ANO4: variants seen among roughly 807,000 people sequenced by gnomAD.
The protein encoded by ANO4 is anoctamin 4.
In ANO4, 69 loss-of-function variants were observed where a neutral mutation model predicts 141.9. That is an observed-to-expected ratio of 0.49 (90% CI 0.40 to 0.59). ANO4 has a LOEUF of 0.59. Ranked by LOEUF, ANO4 falls within the 20% of genes least tolerant of loss-of-function variation. The pLI is 0.00. For missense variants in ANO4, 894 were observed against 1,162.2 expected (o/e 0.77, Z 3.36); for synonymous variants, 350 against 394.3 (o/e 0.89, Z 1.33).
At chr12:100,943,357 AG>A (rs2042591252) in intron 5 of ANO4, among the ~76,000 whole-genome samples, 1 of 151,736 alleles carries the variant, frequency 6.6e-6, no homozygotes, top group Admixed American at 6.6e-5. Context: ...CTCAAGGCTG[AG>A]GGGATAGATC....
chr12:100,940,883 A>G (rs1394568083), intron 4 of ANO4, among the ~76,000 whole-genome samples: 2 of 152,216 alleles, frequency 1.3e-5, no homozygotes, highest in African/African-American at 2.4e-5. Flanking sequence ...AAGAGCCTGG[A>G]TGAAAATTCA....
chr12:100,807,314 T>A (rs2135689636), intron 1 of ANO4, among the ~76,000 whole-genome samples: 1 of 152,262 alleles, frequency 6.6e-6, no homozygotes, highest in East Asian at 1.9e-4. Flanking sequence ...TTAGAACTAT[T>A]TTTGGAGAGT....
chr12:100,930,589 AT>A (rs1018536298), intron 3 of ANO4, among the ~76,000 whole-genome samples: 106 of 106,010 alleles, frequency 1.0e-3, no homozygotes, highest in Admixed American at 2.5e-3. Context: ...TTAAATGAAT[AT>A]TTTTTTTAAA....
intron 3 of ANO4, among the ~76,000 whole-genome samples, chr12:100,935,533 T>C (rs1344753617): frequency 6.6e-6 from 1 of 152,176 alleles, no homozygotes; most frequent in Non-Finnish European, 1.5e-5. Context: ...TTATCAAACA[T>C]TTTTCTATTT....
chr12:100,717,624 G>A, intron 1 of ANO4: 1 of 398,888 alleles, frequency 2.5e-6, no homozygotes, highest in African/African-American at 2.1e-5. Flanking sequence ...AACACCCGGG[G>A]AAACTTCGGG....
intron 6 of ANO4, among the ~76,000 whole-genome samples, chr12:100,973,787 T>A (rs978869146): frequency 6.6e-6 from 1 of 152,218 alleles, no homozygotes; most frequent in African/African-American, 2.4e-5. Context: ...AGGCATATCA[T>A]GTATCCACCA....
In ANO4 at chr12:100,844,197, A is replaced by C. The variant is rs574651919; in HGVS notation, c.-141+49170A>C. On this transcript the variant is annotated intron_variant, in intron 1 of 27. Transcript: ENST00000392977. ...GATAGTGTTAAGGCCTGTGAAGAAAAGAGAACAGGCCAATGGAATGGGTAG... is the reference window on the plus strand; with the variant it reads ...GATAGTGTTAAGGCCTGTGAAGAAACGAGAACAGGCCAATGGAATGGGTAG... Among the ~76,000 whole-genome samples the C allele has an allele frequency of 3.5e-4, 53 of 152,260 alleles. 1 individual carries two copies. The South Asian group carries it at 0.011, about 30-fold the overall frequency.
intron 1 of ANO4, among the ~76,000 whole-genome samples, chr12:100,862,953 G>A (rs531849601): frequency 3.3e-5 from 5 of 152,268 alleles, no homozygotes; most frequent in East Asian, 1.9e-4. Flanking sequence ...GAAGTAGGGT[G>A]GGACAGTGTT....
intron 8 of ANO4, among the ~76,000 whole-genome samples, chr12:100,995,808 C>A (rs1312377943): frequency 6.6e-6 from 1 of 152,182 alleles, no homozygotes; most frequent in Non-Finnish European, 1.5e-5. Flanking sequence ...AGGACAGGAG[C>A]TATGTGCCTG....
At chr12:100,929,077 TG>T (rs1304764558) in intron 3 of ANO4, among the ~76,000 whole-genome samples, 3 of 152,120 alleles carry the variant, frequency 2.0e-5, no homozygotes, top group Non-Finnish European at 2.9e-5. Context: ...TCAGTGTAAA[TG>T]GGGTATCCAC....
Position 100,757,301 on chromosome 12 carries a change from G to C in ANO4, c.358+17196G>C, listed in dbSNP as rs148487667. On this transcript the variant is annotated intron_variant, in intron 3 of 29. Transcript: ENST00000644049. ...TACTTTGTCACTTGTCTTCCTTGGA[G>C]TCCCTCTCATTTTCCATATGGCTGT... 1.4e-4 allele frequency among the ~76,000 whole-genome samples: 21 copies of C among 152,214 alleles called. No homozygotes were observed. The East Asian group carries it at 3.7e-3, about 27-fold the overall frequency.
At chr12:100,819,017 A>G (rs1172564819) in intron 1 of ANO4, among the ~76,000 whole-genome samples, 1 of 138,784 alleles carries the variant, frequency 7.2e-6, no homozygotes, top group South Asian at 2.3e-4. Context: ...ATATATGTGT[A>G]TATATATATG....
chr12:101,105,190 A>G (rs537743854), intron 22 of ANO4, among the ~76,000 whole-genome samples: 2 of 152,280 alleles, frequency 1.3e-5, no homozygotes, highest in African/African-American at 4.8e-5. Context: ...AAGGTGGAGT[A>G]AGCTTTACAA....
intron 1 of ANO4, among the ~76,000 whole-genome samples, chr12:100,800,746 A>G (rs2034632640): frequency 6.6e-6 from 1 of 152,242 alleles, no homozygotes; most frequent in South Asian, 2.1e-4. Flanking sequence ...CAAATCACAG[A>G]TTAAATACCA....
At chr12:100,944,017 CA>C (rs1566039755) in intron 5 of ANO4, among the ~76,000 whole-genome samples, 1 of 152,166 alleles carries the variant, frequency 6.6e-6, no homozygotes, top group African/African-American at 2.4e-5. Context: ...TGATTCCCAT[CA>C]AAACTAGATA....
Position 101,080,883 on chromosome 12 carries a change from T to TTATA in ANO4, c.1395+1623_1395+1626dup, listed in dbSNP as rs1463149041. On this transcript the variant is annotated intron_variant, in intron 15 of 27. Transcript: ENST00000392977. ...GGTTCTAGATATATATATATATATATTATATATATATATATATACATACAC... is the reference window on the plus strand; with the variant it reads ...GGTTCTAGATATATATATATATATATTATATATATATATATATATATACATACAC... 5.0e-3 allele frequency among the ~76,000 whole-genome samples: 367 copies of TTATA among 74,086 alleles called. 5 individuals carry two copies. The highest frequency in any genetic ancestry group is 0.014 in the African/African-American group (347 of 25,636). 48.6% of individuals were successfully genotyped at this position (74,086 alleles called of 152,430 possible). A position where few individuals can be genotyped will look rare whatever the true frequency, so the allele number is the denominator to read the frequency against.
At chr12:101,065,860 C>T (rs2048561971) in intron 14 of ANO4, among the ~76,000 whole-genome samples, 1 of 152,098 alleles carries the variant, frequency 6.6e-6, no homozygotes, top group Admixed American at 6.5e-5. Flanking sequence ...CAAAAATCCT[C>T]AACAAAATAT....
intron 2 of ANO4, among the ~76,000 whole-genome samples, chr12:100,910,488 C>A (rs1037080694): frequency 6.6e-6 from 1 of 152,062 alleles, no homozygotes; most frequent in South Asian, 2.1e-4. Context: ...TTGACCTTAT[C>A]CTTTAGACAC....
intron 3 of ANO4, among the ~76,000 whole-genome samples, chr12:100,757,542 G>A (rs1210704083): frequency 6.6e-6 from 1 of 152,170 alleles, no homozygotes; most frequent in Non-Finnish European, 1.5e-5. Context: ...CTTGGATACC[G>A]TATACCATGA....
Sources: allele counts gnomAD v4.1 joint callset (sites outside exome capture counted in the v4.1 genomes callset), GRCh38; gene constraint gnomAD v4.1.1; transcripts MANE v1.5; gene names NCBI Gene and HGNC (gene_info 2026-07-23, HGNC 2026-07-21).